The following JARID2 variants were observed in gnomAD, a reference collection of about 807,000 sequenced individuals.
JARID2 encodes the protein protein Jumonji.
Under a neutral mutation model 125.6 loss-of-function variants are expected in JARID2, and 21 were observed. That is an observed-to-expected ratio of 0.17 (90% confidence interval 0.12 to 0.24). The LOEUF (loss-of-function observed/expected upper bound fraction) is 0.24, where lower values mean the gene tolerates loss of function less well. Ranked by LOEUF, JARID2 falls within the 10% of genes least tolerant of loss-of-function variation. JARID2 has a pLI of 1.00. For synonymous variants in JARID2, 736 were observed against 661.6 expected (o/e 1.11, Z -1.73); for missense variants, 1,303 against 1,639.6 (o/e 0.79, Z 3.55).
At chr6:15,449,820 G>A (rs73365251) in intron 3 of JARID2, among the ~76,000 whole-genome samples, 6,358 of 152,108 alleles carry the variant, frequency 0.042, 369 homozygotes, top group African/African-American at 0.13. Context: ...ATTATTAGAC[G>A]GTGGTGTTTT....
chr6:15,513,437 CCCTGCCGGCG>C lies in JARID2; in HGVS notation c.3450+18_3450+27del, dbSNP rs748245630. 13,169 of 1,586,742 alleles carry C rather than the reference CCCTGCCGGCG, an allele frequency of 8.3e-3. 79 individuals carry two copies. Among genetic ancestry groups the C allele is most frequent in the Middle Eastern group, 0.017 (100 of 5,944 alleles). On this transcript the variant is annotated intron_variant, in intron 16 of 17. Coordinates refer to ENST00000341776, the MANE Select transcript of JARID2 (RefSeq NM_004973.4). ...ACCTGTCCATGGTGAGCCCGCCTGG[CCCTGCCGGCG>C]CCCTCGCATGTAGTGCTTGGCCTGA...
intron 1 of JARID2, among the ~76,000 whole-genome samples, chr6:15,360,447 T>C (rs1763752883): frequency 6.6e-6 from 1 of 152,126 alleles, no homozygotes. Flanking sequence ...CCTCCGAAAG[T>C]CCTGGGATTA....
rs758934444 is a variant in JARID2, at chr6:15,487,560, T to C, written c.906+18T>C. On this transcript the variant is annotated intron_variant, in intron 6 of 17. Coordinates refer to ENST00000341776, the MANE Select transcript of JARID2 (RefSeq NM_004973.4). ...GGAAACAGGTAAAGTCCAGCAGGGG[T>C]GCCTACATGTGTGCCAGACCCCAGT... 12 of 1,559,130 alleles carry C rather than the reference T, an allele frequency of 7.7e-6. No homozygotes were observed. Among genetic ancestry groups the C allele is most frequent in the Non-Finnish European group, 1.0e-5 (12 of 1,146,836 alleles).
chr6:15,520,843 C>G lies in JARID2; in HGVS notation c.*592C>G. ...CTGAAGGCGGACGTTGTTTCCTAAC[C>G]ATAGGTGGAACGAGGAGACGGGAGC... On this transcript the variant is annotated 3_prime_UTR_variant, in exon 18 of 18. Transcript: ENST00000341776. 4.4e-6 allele frequency: 2 copies of G among 455,730 alleles called. No individual in the cohort carries two copies. The highest frequency in any genetic ancestry group is 8.8e-6 in the Non-Finnish European group (2 of 226,724). The allele number at this position is 455,730 out of a possible 1,614,324, so 28.2% of individuals were successfully genotyped here.
At chr6:15,383,770 C>T (rs1764680309) in intron 2 of JARID2, among the ~76,000 whole-genome samples, 1 of 152,090 alleles carries the variant, frequency 6.6e-6, no homozygotes, top group African/African-American at 2.4e-5. Flanking sequence ...TGAACACCAC[C>T]TGCCTGCTTG....
At chr6:15,450,692 A>G (rs1234831143) in intron 3 of JARID2, among the ~76,000 whole-genome samples, 1 of 152,200 alleles carries the variant, frequency 6.6e-6, no homozygotes, top group Non-Finnish European at 1.5e-5. Context: ...CATCCTTGCA[A>G]GTGCTCACTA....
intron 1 of JARID2, among the ~76,000 whole-genome samples, chr6:15,373,774 T>G (rs965813942): frequency 6.6e-6 from 1 of 152,216 alleles, no homozygotes; most frequent in Admixed American, 6.5e-5. Flanking sequence ...AATGATCCAT[T>G]ATCCTTCTGG....
chr6:15,315,594 T>C (rs1762152780), intron 1 of JARID2, among the ~76,000 whole-genome samples: 1 of 152,196 alleles, frequency 6.6e-6, no homozygotes, highest in Non-Finnish European at 1.5e-5. Context: ...CCTGAATAAT[T>C]GAGATGAGAT....
At chr6:15,389,478 C>T (rs1003096145) in intron 2 of JARID2, among the ~76,000 whole-genome samples, 1 of 152,230 alleles carries the variant, frequency 6.6e-6, no homozygotes, top group African/African-American at 2.4e-5. Context: ...ATCTTGCCTC[C>T]TTTGAGAGTG....
intron 3 of JARID2, among the ~76,000 whole-genome samples, chr6:15,414,499 G>A (rs559065886): frequency 7.9e-4 from 119 of 150,916 alleles, no homozygotes; most frequent in Non-Finnish European, 1.1e-3. Context: ...CTTCCTCAGA[G>A]TTTTTCTTTA....
At chr6:15,501,526 G>GAGA in intron 8 of JARID2, 117 bp downstream of exon 8, 1 of 997,290 alleles carries the variant, frequency 1.0e-6, no homozygotes, top group African/African-American at 1.6e-5. Flanking sequence ...GGGTGATGAG[G>GAGA]GGGCGGGCCA....
At chr6:15,301,525 T>G (rs1761623980) in intron 1 of JARID2, among the ~76,000 whole-genome samples, 1 of 152,234 alleles carries the variant, frequency 6.6e-6, no homozygotes, top group Non-Finnish European at 1.5e-5. Context: ...GATGGATGAT[T>G]GCAGTCCATT....
At chr6:15,393,764 TAAG>T (rs1431188443) in intron 2 of JARID2, among the ~76,000 whole-genome samples, 4 of 152,130 alleles carry the variant, frequency 2.6e-5, no homozygotes, top group South Asian at 2.1e-4. Context: ...ACTGCGTAAA[TAAG>T]AGGAGGAGGA....
At chr6:15,476,000 A>T (rs1334615190) in intron 5 of JARID2, among the ~76,000 whole-genome samples, 2 of 152,068 alleles carry the variant, frequency 1.3e-5, no homozygotes, top group Admixed American at 1.3e-4. Flanking sequence ...TTGTTTTGTG[A>T]CTTTTCCATT....
chr6:15,255,536 A>C (rs919866717), intron 1 of JARID2, among the ~76,000 whole-genome samples: 3 of 151,594 alleles, frequency 2.0e-5, no homozygotes, highest in African/African-American at 7.3e-5. Context: ...ATCTTCTGAC[A>C]CCCAGTTTAT....
chr6:15,467,526 CT>C (rs34064637), intron 4 of JARID2, among the ~76,000 whole-genome samples: 6,148 of 134,870 alleles, frequency 0.046, 131 homozygotes, highest in Admixed American at 0.081. Context: ...CTATATTGTG[CT>C]TTTTTTTTTT....
chr6:15,440,274 C>T (rs930296762), intron 3 of JARID2, among the ~76,000 whole-genome samples: 1 of 152,206 alleles, frequency 6.6e-6, no homozygotes. Context: ...CTTGCAACAG[C>T]GGACTGGTCC....
chr6:15,492,021 T>G (rs929665191), intron 6 of JARID2, among the ~76,000 whole-genome samples: 8 of 152,246 alleles, frequency 5.3e-5, no homozygotes, highest in African/African-American at 1.9e-4. Flanking sequence ...CAACCTTGCC[T>G]GTTAAATTGA....
At chr6:15,488,813 A>AAAC (rs1770007315) in intron 6 of JARID2, among the ~76,000 whole-genome samples, 1 of 152,176 alleles carries the variant, frequency 6.6e-6, no homozygotes, top group Non-Finnish European at 1.5e-5. Flanking sequence ...CACACCTAGC[A>AAAC]CATATTAAAC....
Sources: gnomAD v4.1 joint callset for allele counts (sites outside exome capture counted in the v4.1 genomes callset) on GRCh38, gnomAD v4.1.1 for gene constraint, MANE v1.5 for transcripts, NCBI Gene and HGNC (gene_info 2026-07-23, HGNC 2026-07-21) for gene names.